The following USH2A variants were observed in gnomAD, a reference collection of about 807,000 sequenced individuals.
USH2A encodes the protein usherin, also known as Usher syndrome 2A (autosomal recessive, mild).
A neutral mutation model predicts 538.9 loss-of-function variants in USH2A; 443 were observed. The observed-to-expected ratio is 0.82, with a 90% CI of 0.76 to 0.89. The LOEUF is 0.89. USH2A is among the 40% of genes least tolerant of loss of function. The pLI is 0.00. For missense variants in USH2A, 6,633 were observed against 6,324.8 expected (o/e 1.05, Z -1.65); for synonymous variants, 2,413 against 2,273.5 (o/e 1.06, Z -1.75).
In USH2A at chr1:216,000,494, A is replaced by T. The variant is rs1280009054; in HGVS notation, c.6394T>A (p.Ser2132Thr). 2 of 1,613,584 alleles carry T rather than the reference A, an allele frequency of 1.2e-6. No homozygotes were observed. Among genetic ancestry groups the T allele is most frequent in the Admixed American group, 1.7e-5 (1 of 59,956 alleles). ...ACTHVGCTNS[S>T]WVLLYTAQLP... The stretch of plus-strand genomic sequence containing the variant: ...TGTGCTGTGTACAGTAGGACCCAGG[A>T]ACTGTTTGTACAGCCCACATGTGTG... Residue 2132 changes from serine (S) to threonine (T), a missense_variant, in exon 33 of 72, where the codon TCC becomes ACC. Ser to Thr is a moderately conservative substitution (Grantham distance 58). Coordinates refer to ENST00000307340, the MANE Select transcript of USH2A (RefSeq NM_206933.4).
chr1:216,008,262 C>G (rs1397402497), intron 32 of USH2A, among the ~76,000 whole-genome samples: 1 of 151,960 alleles, frequency 6.6e-6, no homozygotes, highest in Non-Finnish European at 1.5e-5. Context: ...TGAAAATGGC[C>G]TGTTCCTGCC....
intron 3 of USH2A, among the ~76,000 whole-genome samples, chr1:216,389,805 G>A (rs150348123): frequency 0.013 from 1,929 of 152,166 alleles, 32 homozygotes; most frequent in Non-Finnish European, 0.017. Context: ...TTTATTTACA[G>A]AGGACAGTTT....
At chr1:216,348,215 C>T (rs1571726673) in intron 4 of USH2A, among the ~76,000 whole-genome samples, 1 of 152,066 alleles carries the variant, frequency 6.6e-6, no homozygotes, top group Non-Finnish European at 1.5e-5. Context: ...TGCATAAGTG[C>T]AATAAGCATC....
chr1:215,705,854 A>G (rs949899305), intron 61 of USH2A, among the ~76,000 whole-genome samples: 4 of 152,354 alleles, frequency 2.6e-5, no homozygotes, highest in South Asian at 2.1e-4. Context: ...CCGTGCACAC[A>G]TAACTCTTCT....
intron 11 of USH2A, among the ~76,000 whole-genome samples, chr1:216,283,904 G>T (rs542587215): frequency 9.7e-4 from 147 of 151,942 alleles, no homozygotes; most frequent in African/African-American, 3.5e-3. Context: ...ACCATCTCTC[G>T]TACAAAAAGA....
intron 30 of USH2A, among the ~76,000 whole-genome samples, chr1:216,069,309 A>G (rs1379730726): frequency 2.0e-5 from 3 of 152,208 alleles, no homozygotes; most frequent in Non-Finnish European, 4.4e-5. Context: ...AAGTGTCTAA[A>G]GAAGGAAGTA....
At chr1:216,280,466 C>A (rs1011460081) in intron 11 of USH2A, among the ~76,000 whole-genome samples, 6 of 152,008 alleles carry the variant, frequency 3.9e-5, no homozygotes, top group African/African-American at 1.4e-4. Context: ...GTATCCTACT[C>A]AATTTATACA....
At position 216,043,811 on chromosome 1, in the gene USH2A, C is replaced by A. The variant is rs112746951; in HGVS notation, c.6325+2620G>T. Among the ~76,000 whole-genome samples the A allele has an allele frequency of 4.7e-3, 711 of 152,180 alleles. 7 individuals are homozygous for A. The highest frequency in any genetic ancestry group is 0.017 in the African/African-American group (686 of 41,536). On this transcript the variant is annotated intron_variant, in intron 32 of 71. Transcript: ENST00000307340. ...AAGAGTCAAGGCCCACAGTTTGAGA[C>A]CTGCCATTAGCTGCACCACTTCCCT...
At chr1:216,221,152 G>T (rs991869362) in intron 14 of USH2A, among the ~76,000 whole-genome samples, 1 of 152,146 alleles carries the variant, frequency 6.6e-6, no homozygotes, top group African/African-American at 2.4e-5. Context: ...GGACACCGGA[G>T]ATTAATCCAA....
At chr1:216,041,126 C>T (rs935027819) in intron 32 of USH2A, among the ~76,000 whole-genome samples, 12 of 151,874 alleles carry the variant, frequency 7.9e-5, no homozygotes, top group African/African-American at 1.9e-4. Context: ...ACTATGGTTA[C>T]GAAAAATCCA....
At chr1:216,343,625 G>T (rs1477080913) in intron 4 of USH2A, among the ~76,000 whole-genome samples, 1 of 149,064 alleles carries the variant, frequency 6.7e-6, no homozygotes, top group Non-Finnish European at 1.5e-5. Flanking sequence ...AAATAGATCT[G>T]TGTCCATTCA....
chr1:216,325,257 T>C, intron 6 of USH2A, 48 bp downstream of exon 6: 10 of 1,594,126 alleles, frequency 6.3e-6, no homozygotes, highest in South Asian at 1.1e-5. Context: ...TGGGCATTTG[T>C]TGCAATAACC....
At chr1:215,686,144 C>A (rs1016061151) in intron 61 of USH2A, among the ~76,000 whole-genome samples, 1 of 152,162 alleles carries the variant, frequency 6.6e-6, no homozygotes, top group South Asian at 2.1e-4. Context: ...GCAAAAGACT[C>A]TATAAAATTG....
At chr1:216,191,335 T>G (rs761880036) in intron 19 of USH2A, among the ~76,000 whole-genome samples, 1 of 152,054 alleles carries the variant, frequency 6.6e-6, no homozygotes, top group Non-Finnish European at 1.5e-5. Context: ...AGAGACTTTC[T>G]CTTTAGGGGT....
chr1:215,846,119 A>AG (rs1174592278), intron 44 of USH2A, 86 bp from the exon 45 acceptor site: 9 of 1,337,120 alleles, frequency 6.7e-6, no homozygotes, highest in South Asian at 1.3e-5. Flanking sequence ...TTCTAGAATG[A>AG]GAAAAAAAGA....
rs1395836723 is a variant in USH2A, at chr1:216,117,831, G to GAT, written c.4628-20620_4628-20619dup. On this transcript the variant is annotated intron_variant, in intron 21 of 71. Coordinates refer to ENST00000307340, the MANE Select transcript of USH2A (RefSeq NM_206933.4). ...ATATATATGTATATATATATACACAGATATATATATACACACACAGATATA... is the reference window on the plus strand; with the variant it reads ...ATATATATGTATATATATATACACAGATATATATATATACACACACAGATATA... Among the ~76,000 whole-genome samples, 12 of 132,974 alleles carry GAT rather than the reference G, an allele frequency of 9.0e-5. No individual in the cohort carries two copies. The South Asian group carries it at 2.5e-3, about 28-fold the overall frequency. The allele number at this position is 132,974 out of a possible 152,430, so 87.2% of individuals were successfully genotyped here. A position where few individuals can be genotyped will look rare whatever the true frequency, so the allele number is the denominator to read the frequency against.
At position 216,323,668 on chromosome 1, in the gene USH2A, G is replaced by A. The variant is rs1480661738; in HGVS notation, c.1356C>T (p.Val452=). ...GTCCAGGTGTCAGGATGCTAAATGT[G>A]ACATTGCCACGGGAATATGGAGTAA... The part of the protein sequence containing the change: ...SNFTPYSRGN[V]TFSILTPGPN... Residue 452 remains valine (V), a synonymous_variant, in exon 8 of 72, where the codon GTC becomes GTT. Transcript: ENST00000307340. 2.5e-6 allele frequency: 4 copies of A among 1,613,342 alleles called. No individual in the cohort carries two copies. Among genetic ancestry groups the A allele is most frequent in the Non-Finnish European group, 3.4e-6 (4 of 1,179,668 alleles).
At position 216,325,499 on chromosome 1, in the gene USH2A, G is replaced by T. The variant is rs111033272; in HGVS notation, c.949C>A (p.Arg317=). The change falls in exon 6 of 72, where the codon CGG becomes AGG. Residue 317 remains arginine (R), a synonymous_variant. Coordinates refer to ENST00000307340, the MANE Select transcript of USH2A (RefSeq NM_206933.4). ...SHPRVHPLAQ[R]YCIPNDAGDT... ...CCTGCATCATTAGGAATGCAGTACC[G>T]CTGTGCCAAAGGGTGGACCCGCGGG... 68 of 1,613,720 alleles carry T rather than the reference G, an allele frequency of 4.2e-5. No individual in the cohort carries two copies. The highest frequency in any genetic ancestry group is 5.4e-5 in the Non-Finnish European group (64 of 1,179,902).
intron 3 of USH2A, among the ~76,000 whole-genome samples, chr1:216,403,214 GC>G (rs1325994598): frequency 6.6e-6 from 1 of 152,046 alleles, no homozygotes; most frequent in Non-Finnish European, 1.5e-5. Flanking sequence ...ATCAGAAAAT[GC>G]CTTGTGACAA....
Sources: allele counts gnomAD v4.1 joint callset (sites outside exome capture counted in the v4.1 genomes callset), GRCh38; gene constraint gnomAD v4.1.1; transcripts MANE v1.5; gene names NCBI Gene and HGNC (gene_info 2026-07-23, HGNC 2026-07-21).